The following LHFPL6 variants were observed in gnomAD, a reference collection of about 807,000 sequenced individuals.
LHFPL6 encodes the protein LHFPL tetraspan subfamily member 6.
LHFPL6 carries 9 observed loss-of-function variants against 20.6 expected under a neutral mutation model. That is an observed-to-expected ratio of 0.44 (90% CI 0.26 to 0.76). LHFPL6 has a LOEUF of 0.76. LHFPL6 is among the 30% of genes least tolerant of loss of function. The pLI is 0.20. For synonymous variants in LHFPL6, 105 were observed against 98.7 expected, an observed-to-expected ratio of 1.06 and a Z score of -0.38; for missense variants, 218 against 253.5, an observed-to-expected ratio of 0.86 and a Z score of 0.95.
At chr13:39,542,846 A>G (rs1402121617) in intron 2 of LHFPL6, among the ~76,000 whole-genome samples, 1 of 152,214 alleles carries the variant, frequency 6.6e-6, no homozygotes, top group Non-Finnish European at 1.5e-5. Flanking sequence ...TTTTGTGTGT[A>G]TGTGGCAAAA....
At chr13:39,512,555 T>C (rs920017549) in intron 2 of LHFPL6, among the ~76,000 whole-genome samples, 5 of 146,904 alleles carry the variant, frequency 3.4e-5, no homozygotes, top group African/African-American at 1.0e-4. Flanking sequence ...TGAGCCGAGA[T>C]TGCGCCACTG....
intron 2 of LHFPL6, among the ~76,000 whole-genome samples, chr13:39,414,124 T>C (rs1383253816): frequency 6.6e-6 from 1 of 152,228 alleles, no homozygotes; most frequent in Admixed American, 6.5e-5. Flanking sequence ...TCTGGGAACA[T>C]TCTCATATGC....
intron 3 of LHFPL6, among the ~76,000 whole-genome samples, chr13:39,365,618 ATCC>A (rs1869990869): frequency 6.6e-6 from 1 of 152,170 alleles, no homozygotes; most frequent in South Asian, 2.1e-4. Flanking sequence ...CTCGGAACAA[ATCC>A]TCCTACACAT....
chr13:39,424,977 G>A (rs1871600117), intron 2 of LHFPL6, among the ~76,000 whole-genome samples: 1 of 152,092 alleles, frequency 6.6e-6, no homozygotes, highest in Admixed American at 6.6e-5. Context: ...TTAGGCATAT[G>A]TATACCCAGG....
intron 2 of LHFPL6, among the ~76,000 whole-genome samples, chr13:39,542,505 C>T (rs997367150): frequency 2.6e-5 from 4 of 152,206 alleles, no homozygotes; most frequent in Non-Finnish European, 4.4e-5. Flanking sequence ...CCATTTGGCT[C>T]ATCGCTCCAC....
intron 2 of LHFPL6, among the ~76,000 whole-genome samples, chr13:39,387,688 T>C (rs985557577): frequency 3.3e-5 from 5 of 152,148 alleles, no homozygotes; most frequent in African/African-American, 1.2e-4. Flanking sequence ...GGTTGAGCCC[T>C]GAGCCAGTGC....
At chr13:39,548,547 T>G (rs142353541) in intron 2 of LHFPL6, among the ~76,000 whole-genome samples, 2,741 of 152,158 alleles carry the variant, frequency 0.018, 41 homozygotes, top group Non-Finnish European at 0.026. Context: ...GCTTTTTCCC[T>G]TATTATTTCT....
At chr13:39,584,459 G>A (rs1475631638) in intron 2 of LHFPL6, among the ~76,000 whole-genome samples, 1 of 150,704 alleles carries the variant, frequency 6.6e-6, no homozygotes, top group African/African-American at 2.5e-5. Context: ...CCTGGGAGGC[G>A]GAAGTTGCGG....
At chr13:39,503,802 A>T (rs1476703470) in intron 2 of LHFPL6, among the ~76,000 whole-genome samples, 3 of 152,234 alleles carry the variant, frequency 2.0e-5, no homozygotes, top group Non-Finnish European at 2.9e-5. Context: ...CAGTTTGACA[A>T]GCAGACTTAT....
At chr13:39,420,157 G>A (rs1871444432) in intron 2 of LHFPL6, among the ~76,000 whole-genome samples, 1 of 152,096 alleles carries the variant, frequency 6.6e-6, no homozygotes, top group East Asian at 1.9e-4. Flanking sequence ...TTTCCTAATT[G>A]AGGCACATCA....
chr13:39,430,546 C>A (rs1056902607), intron 2 of LHFPL6, among the ~76,000 whole-genome samples: 1 of 152,232 alleles, frequency 6.6e-6, no homozygotes, highest in East Asian at 1.9e-4. Context: ...TCTGAGACAT[C>A]ATTTACATGC....
At chr13:39,576,910 T>C (rs1434142699) in intron 2 of LHFPL6, among the ~76,000 whole-genome samples, 1 of 152,188 alleles carries the variant, frequency 6.6e-6, no homozygotes, top group Non-Finnish European at 1.5e-5. Context: ...TCTCCCAAAT[T>C]ATATCACCAG....
At chr13:39,457,474 AT>A (rs1242864014) in intron 2 of LHFPL6, among the ~76,000 whole-genome samples, 3 of 152,232 alleles carry the variant, frequency 2.0e-5, no homozygotes, top group African/African-American at 7.2e-5. Context: ...AAGGTTCACA[AT>A]ACCAAGTGCT....
At chr13:39,368,006 G>A (rs1870055706) in intron 3 of LHFPL6, among the ~76,000 whole-genome samples, 1 of 152,180 alleles carries the variant, frequency 6.6e-6, no homozygotes, top group South Asian at 2.1e-4. Context: ...CTACTAGCCA[G>A]AACATATAAA....
chr13:39,481,540 C>T (rs1454898577), intron 2 of LHFPL6, among the ~76,000 whole-genome samples: 1 of 152,098 alleles, frequency 6.6e-6, no homozygotes, highest in Non-Finnish European at 1.5e-5. Context: ...CTTCTTTGAG[C>T]AAAGATATCT....
chr13:39,376,931 T>C (rs1459159538), intron 3 of LHFPL6, among the ~76,000 whole-genome samples: 1 of 152,106 alleles, frequency 6.6e-6, no homozygotes, highest in Admixed American at 6.5e-5. Context: ...AGCAGGAAAG[T>C]CTCTCTCACC....
At chr13:39,478,963 T>C (rs191753622) in intron 2 of LHFPL6, among the ~76,000 whole-genome samples, 187 of 151,234 alleles carry the variant, frequency 1.2e-3, no homozygotes, top group Non-Finnish European at 2.2e-3. Context: ...TATGTCTCTA[T>C]ATATAATATA....
intron 3 of LHFPL6, among the ~76,000 whole-genome samples, chr13:39,347,126 A>C (rs1048385265): frequency 5.8e-4 from 87 of 151,192 alleles, no homozygotes; most frequent in African/African-American, 2.1e-3. Context: ...ATTCTCAAAA[A>C]TCAATGTCCT....
At chr13:39,412,125 C>T (rs59636796) in intron 2 of LHFPL6, among the ~76,000 whole-genome samples, 2,100 of 152,296 alleles carry the variant, frequency 0.014, 58 homozygotes, top group African/African-American at 0.048. Flanking sequence ...CGTGTTTCAA[C>T]CGTTATACAT....
Sources: gnomAD v4.1 joint callset for allele counts (sites outside exome capture counted in the v4.1 genomes callset) on GRCh38, gnomAD v4.1.1 for gene constraint, MANE v1.5 for transcripts, NCBI Gene and HGNC (gene_info 2026-07-23, HGNC 2026-07-21) for gene names.